Variants in GNS observed in about 807,000 individuals in gnomAD.
The protein encoded by GNS is N-acetylglucosamine-6-sulfatase.
A neutral mutation model predicts 69.7 loss-of-function variants in GNS; 40 were observed. The observed-to-expected ratio is 0.57, with a 90% CI of 0.45 to 0.75. The LOEUF (loss-of-function observed/expected upper bound fraction) is 0.75. Among genes scored for constraint, GNS ranks in the 30% least tolerant of loss-of-function variants. The pLI is 0.00. For missense variants in GNS, 565 were observed against 685.5 expected, an observed-to-expected ratio of 0.82 and a Z score of 1.96; for synonymous variants, 243 against 251.6, an observed-to-expected ratio of 0.97 and a Z score of 0.32.
intron 9 of GNS, among the ~76,000 whole-genome samples, chr12:64,733,870 A>T (rs1184200462): frequency 6.6e-6 from 1 of 152,186 alleles, no homozygotes; most frequent in Non-Finnish European, 1.5e-5. Flanking sequence ...CTAAAGCTAA[A>T]CTAGTCAGAG....
chr12:64,742,186 A>C (rs760896682), intron 6 of GNS, among the ~76,000 whole-genome samples: 5 of 151,980 alleles, frequency 3.3e-5, no homozygotes, highest in Non-Finnish European at 7.4e-5. Flanking sequence ...ACGCCCGGCT[A>C]ATTTTTTGTA....
chr12:64,740,551 C>T, intron 7 of GNS, 55 bp downstream of exon 7: 1 of 915,586 alleles, frequency 1.1e-6, no homozygotes. Flanking sequence ...TCTTCATGAG[C>T]TGATTTGCAG....
intron 2 of GNS, among the ~76,000 whole-genome samples, chr12:64,752,460 T>G (rs1382447945): frequency 6.6e-6 from 1 of 152,162 alleles, no homozygotes; most frequent in African/African-American, 2.4e-5. Context: ...CCTCAAATGG[T>G]AAGGTTTAAA....
Position 64,740,278 on chromosome 12 carries a change from T to C in GNS, c.875+328A>G, listed in dbSNP as rs910275571. Among the ~76,000 whole-genome samples the C allele has an allele frequency of 3.2e-4, 49 of 152,378 alleles. 1 individual carries two copies. The highest frequency in any genetic ancestry group is 2.3e-3 in the Admixed American group (35 of 15,308). On this transcript the variant is annotated intron_variant, in intron 7 of 13. Transcript: ENST00000258145. ...ATCTTGTCTAAGCTTTTGGGTCATT[T>C]GTCACATATGACAATGGGCTCTCTC...
rs558596077 is a variant in GNS, at chr12:64,717,052, T to A, written c.1581-233A>T. ...AGTCAAGAGGAGAAAAACAAGTAGG[T>A]TAGTCTTGAAAGGTGTCAGAAGGCA... On this transcript the variant is annotated intron_variant, in intron 13 of 13. Transcript: ENST00000258145. Among the ~76,000 whole-genome samples the A allele has an allele frequency of 2.6e-5, 4 of 152,142 alleles. No homozygotes were observed. The East Asian group carries it at 7.7e-4, about 29-fold the overall frequency.
intron 3 of GNS, chr12:64,745,976 C>G (rs897685574): frequency 3.8e-6 from 2 of 527,624 alleles, no homozygotes; most frequent in Admixed American, 6.6e-5. Context: ...AAGAATTTAA[C>G]AATTTTAAAA....
chr12:64,743,340 C>T, intron 5 of GNS, 32 bp from the exon 6 acceptor site: 1 of 1,510,506 alleles, frequency 6.6e-7, no homozygotes. Context: ...CATCTCCTAC[C>T]TTACCCAACA....
rs1303637584 is a variant in GNS, at chr12:64,714,563, G to C, written c.*2178C>G. The C allele has an allele frequency of 2.6e-5, 4 of 152,184 alleles. No homozygotes were observed. Among genetic ancestry groups the C allele is most frequent in the Non-Finnish European group, 5.9e-5 (4 of 68,032 alleles). The allele number at this position is 152,184 out of a possible 1,614,324, so 9.4% of individuals were successfully genotyped here. A position where few individuals can be genotyped will look rare whatever the true frequency, so the allele number is the denominator to read the frequency against. On this transcript the variant is annotated 3_prime_UTR_variant, in exon 14 of 14. Transcript: ENST00000258145. The stretch of plus-strand genomic sequence containing the variant: ...GATAGGAAATATACCAAAAATAGAA[G>C]AGCGTAGAGAGGGCTGCACCACATC...
intron 5 of GNS, among the ~76,000 whole-genome samples, chr12:64,743,685 A>G (rs544069300): frequency 1.1e-4 from 16 of 152,216 alleles, no homozygotes; most frequent in Non-Finnish European, 2.4e-4. Context: ...AGTCAACTTA[A>G]AACAGTGGGA....
chr12:64,733,701 A>G (rs895521564), intron 9 of GNS, among the ~76,000 whole-genome samples: 5 of 152,158 alleles, frequency 3.3e-5, no homozygotes, highest in Non-Finnish European at 7.4e-5. Flanking sequence ...TACTTTTACA[A>G]AAGTAGGGGA....
intron 2 of GNS, among the ~76,000 whole-genome samples, chr12:64,752,188 C>G (rs971636465): frequency 3.9e-5 from 6 of 152,230 alleles, no homozygotes; most frequent in African/African-American, 1.4e-4. Context: ...AGTCTGAGCA[C>G]TTAAACATAA....
In GNS at chr12:64,740,596, C is replaced by T; in HGVS notation, c.875+10G>A. ...AACCACTCAGATTGTTATGTAGCAG[C>T]AGCTCTTACCTTTTCCTAAATGCAT... On this transcript the variant is annotated intron_variant, in intron 7 of 13. Coordinates refer to ENST00000258145, the MANE Select transcript of GNS (RefSeq NM_002076.4). The T allele has an allele frequency of 7.2e-7, 1 of 1,389,908 alleles. No individual in the cohort carries two copies. Among genetic ancestry groups the T allele is most frequent in the South Asian group, 1.2e-5 (1 of 86,652 alleles). 86.1% of individuals were successfully genotyped at this position (1,389,908 alleles called of 1,614,324 possible). A position where few individuals can be genotyped will look rare whatever the true frequency, so the allele number is the denominator to read the frequency against.
chr12:64,720,238 A>G (rs1868982848), intron 12 of GNS, 56 bp from the exon 13 acceptor site: 1 of 1,183,110 alleles, frequency 8.5e-7, no homozygotes, highest in African/African-American at 1.5e-5. Flanking sequence ...CCGTGAAGAA[A>G]TACTCTTAAC....
chr12:64,724,395 A>T (rs939613113), intron 10 of GNS, among the ~76,000 whole-genome samples: 1 of 152,214 alleles, frequency 6.6e-6, no homozygotes, highest in African/African-American at 2.4e-5. Context: ...AATGTGGGTG[A>T]GTACAGTGGG....
chr12:64,737,221 T>C lies in GNS; in HGVS notation c.995-114A>G, dbSNP rs963819822. On this transcript the variant is annotated intron_variant, in intron 8 of 13. Transcript: ENST00000258145. Reference sequence around the variant, plus strand: ...TAAAACAACTTTGTTCTACTGATTCTGGTGTTTTAATAGAAAGCTGAAATT... The same window carrying C: ...TAAAACAACTTTGTTCTACTGATTCCGGTGTTTTAATAGAAAGCTGAAATT... 5 of 720,950 alleles carry C rather than the reference T, an allele frequency of 6.9e-6. No individual in the cohort carries two copies. The Admixed American group carries it at 8.2e-5, about 12-fold the overall frequency. 44.7% of individuals were successfully genotyped at this position (720,950 alleles called of 1,614,324 possible). A position where few individuals can be genotyped will look rare whatever the true frequency, so the allele number is the denominator to read the frequency against.
intron 13 of GNS, 132 bp from the exon 14 acceptor site, chr12:64,716,951 A>G (rs1224192107): frequency 1.4e-6 from 1 of 713,274 alleles, no homozygotes; most frequent in Non-Finnish European, 2.6e-6. Context: ...GAGAAAGTCT[A>G]TGGTACAAAA....
chr12:64,742,774 C>T lies in GNS; in HGVS notation c.792+367G>A, dbSNP rs141437982. Among the ~76,000 whole-genome samples, 324 of 152,336 alleles carry T rather than the reference C, an allele frequency of 2.1e-3. 2 individuals carry two copies. Among genetic ancestry groups the T allele is most frequent in the African/African-American group, 7.1e-3 (294 of 41,582 alleles). On this transcript the variant is annotated intron_variant, in intron 6 of 13. Transcript: ENST00000258145. ...CCAACCATATTGCTCTGTGCCACCC[C>T]TTCTTCCCATGCCTCAAAGGCTAGT... is the stretch of plus-strand genomic sequence containing the variant.
chr12:64,721,475 TA>T, intron 12 of GNS, 119 bp downstream of exon 12: 2 of 729,618 alleles, frequency 2.7e-6, no homozygotes, highest in East Asian at 5.2e-5. Flanking sequence ...GAAGCACAGA[TA>T]AGAAACACAA....
chr12:64,721,666 T>A lies in GNS; in HGVS notation c.1348A>T (p.Asn450Tyr). Residue 450 changes from asparagine to tyrosine, a missense_variant, in exon 12 of 14, where the codon AAT becomes TAT. Around this residue, in one of 2 missense-constraint regions of GNS, gnomAD observed 384 missense variants for 511.0 expected, o/e 0.75. Coordinates refer to ENST00000258145, the MANE Select transcript of GNS (RefSeq NM_002076.4). ...PDCVCEDAYN[N>Y]TYACVRTMSA... Reference sequence around the variant, plus strand: ...ATTGTCCTCACACAGGCATAGGTATTGTTATAAGCATCTTCACATACACAG... The same window carrying A: ...ATTGTCCTCACACAGGCATAGGTATAGTTATAAGCATCTTCACATACACAG... The A allele has an allele frequency of 6.3e-7, 1 of 1,594,670 alleles. No homozygotes were observed. Among genetic ancestry groups the A allele is most frequent in the South Asian group, 1.1e-5 (1 of 90,690 alleles).
Sources: gnomAD v4.1 joint callset for allele counts (sites outside exome capture counted in the v4.1 genomes callset) on GRCh38, gnomAD v4.1.1 for gene constraint, gnomAD v4.1.1 regional missense constraint, MANE v1.5 for transcripts, NCBI Gene and HGNC (gene_info 2026-07-23, HGNC 2026-07-21) for gene names.